SUGCT: variants seen among roughly 807,000 people sequenced by gnomAD.
SUGCT encodes succinyl-CoA:glutarate CoA-transferase.
A neutral mutation model predicts 55.0 loss-of-function variants in SUGCT; 41 were observed. That is an observed-to-expected ratio of 0.74 (90% CI 0.58 to 0.97). SUGCT has a LOEUF of 0.97. Among genes scored for constraint, SUGCT ranks in the 50% least tolerant of loss-of-function variants. SUGCT has a pLI of 0.00. For missense variants in SUGCT, 568 were observed against 547.8 expected (o/e 1.04, Z -0.37); for synonymous variants, 187 against 200.4 (o/e 0.93, Z 0.56).
chr7:40,941,098 T>C, the SUGCT span, among the ~76,000 whole-genome samples: 5 of 152,076 alleles, frequency 3.3e-5, no homozygotes, highest in African/African-American at 4.8e-5. Context: ...CTGGATCTTA[T>C]TGAATGCTTT....
intron 12 of SUGCT, among the ~76,000 whole-genome samples, chr7:40,530,685 G>A (rs1054451731): frequency 6.6e-6 from 1 of 152,162 alleles, no homozygotes; most frequent in Non-Finnish European, 1.5e-5. Context: ...TTATTGTTCT[G>A]AAACTTAAAT....
intron 13 of SUGCT, among the ~76,000 whole-genome samples, chr7:40,854,474 T>C (rs1036305911): frequency 8.9e-5 from 12 of 135,324 alleles, no homozygotes; most frequent in Non-Finnish European, 1.5e-4. Context: ...CTTTCTTTCT[T>C]TCTCTTTCTC....
chr7:40,825,298 G>T (rs1792258294), intron 13 of SUGCT, among the ~76,000 whole-genome samples: 1 of 152,148 alleles, frequency 6.6e-6, no homozygotes, highest in Admixed American at 6.5e-5. Flanking sequence ...ACACATGGTA[G>T]TACTTTCATC....
intron 12 of SUGCT, among the ~76,000 whole-genome samples, chr7:40,602,061 T>C (rs1361839984): frequency 1.3e-5 from 2 of 152,232 alleles, no homozygotes; most frequent in African/African-American, 2.4e-5. Context: ...ATTTTAAACA[T>C]GGTTTCACTT....
At chr7:40,894,817 G>A in the SUGCT span, among the ~76,000 whole-genome samples, 1 of 152,154 alleles carries the variant, frequency 6.6e-6, no homozygotes. Context: ...AATAACAGAT[G>A]CTGGTGAGGT....
intron 12 of SUGCT, among the ~76,000 whole-genome samples, chr7:40,587,054 G>A (rs771186415): frequency 4.6e-5 from 7 of 152,196 alleles, no homozygotes; most frequent in African/African-American, 1.7e-4. Context: ...GCTATATACT[G>A]TATATTCCAT....
intron 9 of SUGCT, among the ~76,000 whole-genome samples, chr7:40,361,539 A>G (rs565905563): frequency 5.9e-4 from 89 of 151,814 alleles, no homozygotes; most frequent in African/African-American, 2.1e-3. Flanking sequence ...GTGCCACTGC[A>G]CTCCAGCCTG....
rs1428157938 is a variant in SUGCT, at chr7:40,317,211, A to C, written c.816+356A>C. 2.0e-5 allele frequency among the ~76,000 whole-genome samples: 3 copies of C among 152,222 alleles called. No homozygotes were observed. In the East Asian group the frequency reaches 5.8e-4, roughly 29 times the overall value. ...TGATTTGTTAACCATGTCAGTTACA[A>C]AACAAATGTTACCTACCCCATCTGA... is the stretch of plus-strand genomic sequence containing the variant. On this transcript the variant is annotated intron_variant, in intron 9 of 13. Coordinates refer to ENST00000335693, the MANE Select transcript of SUGCT (RefSeq NM_001193313.2).
intron 11 of SUGCT, among the ~76,000 whole-genome samples, chr7:40,473,143 C>G (rs1790486334): frequency 6.6e-6 from 1 of 152,122 alleles, no homozygotes; most frequent in South Asian, 2.1e-4. Context: ...CACAGTCCAC[C>G]AATGACTTCT....
At chr7:40,150,576 G>A (rs1235241755) in intron 1 of SUGCT, among the ~76,000 whole-genome samples, 8 of 152,258 alleles carry the variant, frequency 5.3e-5, no homozygotes, top group African/African-American at 1.9e-4. Context: ...GGAGGCTGAG[G>A]CAGGAGAATC....
At chr7:40,537,680 C>T (rs542414257) in intron 12 of SUGCT, among the ~76,000 whole-genome samples, 4 of 152,102 alleles carry the variant, frequency 2.6e-5, no homozygotes, top group Non-Finnish European at 5.9e-5. Flanking sequence ...TAACAGAGAT[C>T]GTAAAGATTT....
intron 12 of SUGCT, among the ~76,000 whole-genome samples, chr7:40,562,966 A>T (rs1795922622): frequency 6.6e-6 from 1 of 152,074 alleles, no homozygotes; most frequent in Non-Finnish European, 1.5e-5. Flanking sequence ...GAAACATTTT[A>T]TTTCTCTCTC....
chr7:40,310,793 T>C (rs186120758), intron 8 of SUGCT, among the ~76,000 whole-genome samples: 296 of 152,346 alleles, frequency 1.9e-3, no homozygotes, highest in Admixed American at 3.7e-3. Flanking sequence ...CCACCCATTC[T>C]TGGCATTTAA....
chr7:40,699,331 G>A (rs988961621), intron 12 of SUGCT, among the ~76,000 whole-genome samples: 2 of 152,138 alleles, frequency 1.3e-5, no homozygotes, highest in Non-Finnish European at 2.9e-5. Flanking sequence ...GCACAGAGGT[G>A]GAGAGCGAGT....
chr7:40,331,675 C>T (rs761041424), intron 9 of SUGCT, among the ~76,000 whole-genome samples: 6 of 152,188 alleles, frequency 3.9e-5, no homozygotes, highest in Admixed American at 1.3e-4. Context: ...GTTTTGTCCA[C>T]CAGAGTGGAG....
intron 12 of SUGCT, among the ~76,000 whole-genome samples, chr7:40,503,379 A>G (rs542984652): frequency 2.4e-4 from 36 of 152,290 alleles, no homozygotes; most frequent in Admixed American, 3.9e-4. Context: ...TGTGGACGAG[A>G]ATAGCAAATA....
chr7:40,851,330 AAT>A (rs1482181390), intron 13 of SUGCT, among the ~76,000 whole-genome samples: 1 of 152,204 alleles, frequency 6.6e-6, no homozygotes, highest in Non-Finnish European at 1.5e-5. Context: ...GTAAAAAAAA[AAT>A]GTTTAATGTT....
intron 9 of SUGCT, among the ~76,000 whole-genome samples, chr7:40,373,688 A>G (rs1338342891): frequency 6.6e-6 from 1 of 152,092 alleles, no homozygotes; most frequent in Non-Finnish European, 1.5e-5. Flanking sequence ...TTTGGTAAGA[A>G]ACAACAAGAT....
At chr7:40,902,558 T>TG in the SUGCT span, among the ~76,000 whole-genome samples, 14 of 118,526 alleles carry the variant, frequency 1.2e-4, no homozygotes, top group Middle Eastern at 7.4e-3. Context: ...CCAGCCTGGG[T>TG]GACAGAGTGA....
Sources: gnomAD v4.1 joint callset for allele counts (sites outside exome capture counted in the v4.1 genomes callset) on GRCh38, gnomAD v4.1.1 for gene constraint, MANE v1.5 for transcripts, NCBI Gene and HGNC (gene_info 2026-07-23, HGNC 2026-07-21) for gene names.